Variants in RGL1 observed in about 807,000 individuals in gnomAD.
RGL1 encodes ral guanine nucleotide dissociation stimulator-like 1.
A neutral mutation model predicts 95.2 loss-of-function variants in RGL1; 24 were observed. The ratio of observed to expected loss-of-function variants is 0.25; its 90% CI spans 0.18 to 0.35. The LOEUF (loss-of-function observed/expected upper bound fraction) is 0.35. Ranked by LOEUF, RGL1 falls within the 10% of genes least tolerant of loss-of-function variation. The pLI is 1.00. For synonymous variants in RGL1, 329 were observed against 344.9 expected (o/e 0.95, Z 0.51); for missense variants, 715 against 936.3 (o/e 0.76, Z 3.08).
chr1:183,695,792 A>G (rs1166241602), intron 1 of RGL1, among the ~76,000 whole-genome samples: 2 of 152,234 alleles, frequency 1.3e-5, no homozygotes, highest in Non-Finnish European at 2.9e-5. Flanking sequence ...GCTATTTATG[A>G]ACACAAGTAT....
chr1:183,857,162 G>A (rs879443439), intron 3 of RGL1, among the ~76,000 whole-genome samples: 4 of 152,182 alleles, frequency 2.6e-5, no homozygotes, highest in Admixed American at 6.5e-5. Context: ...CAGAGAAAGA[G>A]ATACAAGGAT....
intron 1 of RGL1, among the ~76,000 whole-genome samples, chr1:183,646,105 G>A (rs559244196): frequency 6.6e-6 from 1 of 152,262 alleles, no homozygotes; most frequent in East Asian, 1.9e-4. Context: ...CAGAGATGCT[G>A]GATTTGTCAT....
chr1:183,707,234 G>C (rs1302006383), intron 1 of RGL1, among the ~76,000 whole-genome samples: 1 of 152,162 alleles, frequency 6.6e-6, no homozygotes. Flanking sequence ...CTAGGGTCCA[G>C]ATACGGTCCC....
At chr1:183,908,060 A>G (rs1668440568) in intron 14 of RGL1, among the ~76,000 whole-genome samples, 1 of 152,156 alleles carries the variant, frequency 6.6e-6, no homozygotes. Context: ...ACACATATAT[A>G]TATACACATA....
chr1:183,878,358 G>T (rs766529207), intron 4 of RGL1, among the ~76,000 whole-genome samples: 1 of 151,918 alleles, frequency 6.6e-6, no homozygotes, highest in Non-Finnish European at 1.5e-5. Context: ...CACCACACCT[G>T]GCTAATTTTC....
At chr1:183,802,257 G>A (rs1019085841), upstream of RGL1, among the ~76,000 whole-genome samples, 2 of 152,026 alleles carry the variant, frequency 1.3e-5, no homozygotes, top group African/African-American at 4.8e-5. Flanking sequence ...ATATGCTTGG[G>A]TTTATTTCTG....
At chr1:183,793,296 TA>T (rs1660525735) in intron 2 of RGL1, among the ~76,000 whole-genome samples, 1 of 152,150 alleles carries the variant, frequency 6.6e-6, no homozygotes, top group African/African-American at 2.4e-5. Flanking sequence ...TCAAATGGAT[TA>T]AAGACTTAAA....
At chr1:183,784,369 T>A (rs952923010) in intron 2 of RGL1, among the ~76,000 whole-genome samples, 3 of 152,172 alleles carry the variant, frequency 2.0e-5, no homozygotes, top group African/African-American at 7.2e-5. Context: ...CTGTCAGCAG[T>A]TAGCAGGCTC....
rs545016165 is a variant in RGL1 at position 183,797,043 on chromosome 1, C to A, written c.133-9332C>A. Among the ~76,000 whole-genome samples, 15 of 152,212 alleles carry A rather than the reference C, an allele frequency of 9.9e-5. No homozygotes were observed. In the East Asian group the frequency reaches 2.5e-3, roughly 25 times the overall value. ...ATCACTGATTAAGAATAATTGCCAA[C>A]AATTGGCCGGGCACGGTGGCTCACA... On this transcript the variant is annotated intron_variant, in intron 2 of 18. Coordinates refer to the RGL1 transcript ENST00000304685.
chr1:183,726,847 T>C (rs1281386085), intron 1 of RGL1, among the ~76,000 whole-genome samples: 1 of 152,140 alleles, frequency 6.6e-6, no homozygotes, highest in Non-Finnish European at 1.5e-5. Context: ...AAATTTGAAG[T>C]CTGAAATGCT....
At chr1:183,712,820 T>C (rs962277440) in intron 1 of RGL1, among the ~76,000 whole-genome samples, 4 of 152,206 alleles carry the variant, frequency 2.6e-5, no homozygotes, top group African/African-American at 9.7e-5. Context: ...AATAAATGTT[T>C]TGTGGCATTC....
upstream of RGL1, among the ~76,000 whole-genome samples, chr1:183,801,471 C>T (rs1423771827): frequency 1.3e-5 from 2 of 151,970 alleles, no homozygotes. Flanking sequence ...TTGATTGTTT[C>T]ATTTGCTGCA....
intron 16 of RGL1, among the ~76,000 whole-genome samples, chr1:183,920,606 A>G (rs1669259161): frequency 6.6e-6 from 1 of 152,148 alleles, no homozygotes; most frequent in Admixed American, 6.5e-5. Context: ...GTCTCATATG[A>G]CTTACCCACC....
At chr1:183,741,241 G>A (rs537225515) in intron 1 of RGL1, among the ~76,000 whole-genome samples, 1 of 152,216 alleles carries the variant, frequency 6.6e-6, no homozygotes, top group African/African-American at 2.4e-5. Flanking sequence ...TTAGGTAGAT[G>A]GAACATCAGT....
upstream of RGL1, among the ~76,000 whole-genome samples, chr1:183,803,363 G>A (rs1661096036): frequency 6.6e-6 from 1 of 152,148 alleles, no homozygotes; most frequent in South Asian, 2.1e-4. Flanking sequence ...ACTCTTTCAG[G>A]TAGATGGTTG....
intron 1 of RGL1, among the ~76,000 whole-genome samples, chr1:183,700,553 GT>G (rs34193140): frequency 4.3e-4 from 61 of 140,878 alleles, no homozygotes; most frequent in Non-Finnish European, 2.8e-4. Context: ...ATCTAGGTTT[GT>G]TTTTTTTTTT....
intron 14 of RGL1, among the ~76,000 whole-genome samples, chr1:183,910,478 C>T (rs1233653513): frequency 6.6e-6 from 1 of 152,180 alleles, no homozygotes; most frequent in Non-Finnish European, 1.5e-5. Context: ...CAGGACATGG[C>T]TCTTGGATGG....
chr1:183,924,939 C>T (rs1669531372), intron 17 of RGL1, among the ~76,000 whole-genome samples: 1 of 151,882 alleles, frequency 6.6e-6, no homozygotes, highest in African/African-American at 2.4e-5. Flanking sequence ...GCACTGCAGC[C>T]TGGGCAACAA....
intron 2 of RGL1, among the ~76,000 whole-genome samples, chr1:183,795,326 C>T (rs555776751): frequency 4.9e-4 from 74 of 152,234 alleles, no homozygotes; most frequent in South Asian, 2.3e-3. Flanking sequence ...ATGGGAGAAA[C>T]GGGAGAAACA....
Sources: allele counts gnomAD v4.1 joint callset (sites outside exome capture counted in the v4.1 genomes callset), GRCh38; gene constraint gnomAD v4.1.1; transcripts MANE v1.5; gene names NCBI Gene and HGNC (gene_info 2026-07-23, HGNC 2026-07-21).